SORL1: variants seen among roughly 807,000 people sequenced by gnomAD.
SORL1 encodes sortilin related receptor 1, also known as sortilin-related receptor.
In SORL1, 127 loss-of-function variants were observed where a neutral mutation model predicts 273.7. The observed-to-expected ratio is 0.46, with a 90% CI of 0.40 to 0.54. The LOEUF is 0.54. SORL1 is among the 20% of genes least tolerant of loss of function. The probability of loss-of-function intolerance (pLI) is 0.00; values close to 1 mark genes in which losing one functional copy is unlikely to be tolerated. For synonymous variants in SORL1, 1,031 were observed against 1,067.4 expected (o/e 0.97, Z 0.66); for missense variants, 2,494 against 2,846.1 (o/e 0.88, Z 2.81).
In SORL1 at chr11:121,538,314, C is replaced by T. The variant is rs74893362; in HGVS notation, c.1686-5234C>T. 1.3e-4 allele frequency among the ~76,000 whole-genome samples: 20 copies of T among 152,182 alleles called. No individual in the cohort carries two copies. In the East Asian group the frequency reaches 3.5e-3, roughly 26 times the overall value. On this transcript the variant is annotated intron_variant, in intron 12 of 47. Transcript: ENST00000260197. Reference sequence around the variant, plus strand: ...TTTCCATCAGTCCAGAAAATACTCACGTGCCCCTTTCCAGTCAGTGCTCTC... The same window carrying T: ...TTTCCATCAGTCCAGAAAATACTCATGTGCCCCTTTCCAGTCAGTGCTCTC...
intron 23 of SORL1, among the ~76,000 whole-genome samples, chr11:121,570,679 G>A (rs76882853): frequency 6.6e-6 from 1 of 152,126 alleles, no homozygotes; most frequent in Admixed American, 6.5e-5. Context: ...GATGGGAAAT[G>A]AGTATTTACT....
Position 121,558,490 on chromosome 11 carries a change from C to T in SORL1, c.2664-101C>T, listed in dbSNP as rs570066344. 22 of 1,222,014 alleles carry T rather than the reference C, an allele frequency of 1.8e-5. No homozygotes were observed. The Middle Eastern group carries it at 1.0e-3, about 57-fold the overall frequency. The allele number at this position is 1,222,014 out of a possible 1,614,324, so 75.7% of individuals were successfully genotyped here. ...TTATAATAATGCTGAAATAACCAGC[C>T]GGATCATTCGAAAGGAGTTTCTGAC... On this transcript the variant is annotated intron_variant, in intron 19 of 47. Coordinates refer to ENST00000260197, the MANE Select transcript of SORL1 (RefSeq NM_003105.6).
Position 121,558,812 on chromosome 11 carries a change from A to G in SORL1, c.2885A>G (p.His962Arg). The change falls in exon 20 of 48, where the codon CAC becomes CGC. Residue 962 changes from histidine to arginine, a missense_variant. Physicochemically the swap from His to Arg is conservative, Grantham distance 29 (BLOSUM62 0). Transcript: ENST00000260197. ...QRSVILDNLP[H>R]PYAIAVFKNE... ...TCTGTCATTCTGGACAACCTCCCGC[A>G]CCCCTATGCCATTGCTGTCTTTAAG... The G allele has an allele frequency of 6.2e-7, 1 of 1,613,706 alleles. No individual in the cohort carries two copies. Among genetic ancestry groups the G allele is most frequent in the African/African-American group, 1.3e-5 (1 of 74,856 alleles).
At chr11:121,553,553 G>T (rs1862535312) in intron 16 of SORL1, among the ~76,000 whole-genome samples, 1 of 152,232 alleles carries the variant, frequency 6.6e-6, no homozygotes, top group African/African-American at 2.4e-5. Context: ...TGATGATGCT[G>T]TGGTGATACA....
At chr11:121,481,473 G>A (rs1371409167) in intron 3 of SORL1, among the ~76,000 whole-genome samples, 2 of 104,812 alleles carry the variant, frequency 1.9e-5, no homozygotes, top group African/African-American at 8.7e-5. Flanking sequence ...CTCCTCCCCA[G>A]CTCCTCCCCT....
At chr11:121,615,086 G>A (rs1456019958) in intron 41 of SORL1, 31 bp downstream of exon 41, 3 of 1,549,094 alleles carry the variant, frequency 1.9e-6, no homozygotes, top group Admixed American at 2.0e-5. Flanking sequence ...ATCACAAAGT[G>A]AGTGTGGACT....
intron 31 of SORL1, among the ~76,000 whole-genome samples, chr11:121,592,819 A>C (rs1405302918): frequency 6.6e-6 from 1 of 152,242 alleles, no homozygotes; most frequent in African/African-American, 2.4e-5. Flanking sequence ...TTATTGAATA[A>C]CTTGATTATC....
chr11:121,583,275 AC>A (rs1308302540), intron 25 of SORL1, among the ~76,000 whole-genome samples, 182 bp from the exon 26 acceptor site: 1 of 152,180 alleles, frequency 6.6e-6, no homozygotes, highest in Non-Finnish European at 1.5e-5. Flanking sequence ...GCTCAAGTCC[AC>A]CGAGGGAGCT....
At position 121,496,883 on chromosome 11, in the gene SORL1, A is replaced by T; in HGVS notation, c.773A>T (p.Tyr258Phe). 1.2e-6 allele frequency: 2 copies of T among 1,608,434 alleles called. No homozygotes were observed. Among genetic ancestry groups the T allele is most frequent in the Non-Finnish European group, 1.7e-6 (2 of 1,177,566 alleles). The stretch of plus-strand genomic sequence containing the variant: ...TTTTCTGCCAGGGGAATTGATCCCT[A>T]TGACAAACCAAATACCATCTACATT... ...VKSFSWGIDP[Y>F]DKPNTIYIER... Residue 258 changes from tyrosine to phenylalanine, a missense_variant, in exon 6 of 48, where the codon TAT (tyrosine) becomes TTT (phenylalanine). Physicochemically the swap from Tyr to Phe is conservative, Grantham distance 22. Coordinates refer to ENST00000260197, the MANE Select transcript of SORL1 (RefSeq NM_003105.6).
intron 46 of SORL1, 93 bp downstream of exon 46, chr11:121,625,370 C>A: frequency 9.8e-7 from 1 of 1,023,784 alleles, no homozygotes; most frequent in Non-Finnish European, 1.4e-6. Flanking sequence ...TTCTAAAACA[C>A]ATGGAAGATA....
chr11:121,603,398 AGCAGATT>A (rs1159420688), intron 32 of SORL1, among the ~76,000 whole-genome samples: 3 of 152,366 alleles, frequency 2.0e-5, no homozygotes, highest in African/African-American at 7.2e-5. Context: ...CAGCCTGCAT[AGCAGATT>A]TGCTGTCTAC....
intron 5 of SORL1, among the ~76,000 whole-genome samples, chr11:121,494,614 T>TAAG (rs1166775776): frequency 6.6e-6 from 1 of 152,174 alleles, no homozygotes; most frequent in Non-Finnish European, 1.5e-5. Flanking sequence ...TCAGTGAGCG[T>TAAG]AAGACATTGG....
At position 121,606,889 on chromosome 11, in the gene SORL1, G is replaced by C; in HGVS notation, c.4993G>C (p.Ala1665Pro). The C allele has an allele frequency of 6.2e-7, 1 of 1,614,206 alleles. No individual in the cohort carries two copies. Among genetic ancestry groups the C allele is most frequent in the Non-Finnish European group, 8.5e-7 (1 of 1,180,026 alleles). Residue 1665 changes from alanine to proline, a missense_variant, in exon 36 of 48, where the codon GCA becomes CCA. Physicochemically the swap from Ala to Pro is conservative, Grantham distance 27. Coordinates refer to ENST00000260197, the MANE Select transcript of SORL1 (RefSeq NM_003105.6). ...TCTCCAGCTGTCACTCCCCAGGGAA[G>C]CAGAAGGTGTGATTGTAGGCCACTG... The part of the protein sequence containing the change: ...RNLQLSLPRE[A>P]EGVIVGHWAP...
Position 121,627,490 on chromosome 11 carries a change from A to T in SORL1, c.6365-65A>T, listed in dbSNP as rs767858894. 40 of 1,358,814 alleles carry T rather than the reference A, an allele frequency of 2.9e-5. No individual in the cohort carries two copies. The highest frequency in any genetic ancestry group is 1.6e-4 in the East Asian group (7 of 43,696). 84.2% of individuals were successfully genotyped at this position (1,358,814 alleles called of 1,614,324 possible). A position where few individuals can be genotyped will look rare whatever the true frequency, so the allele number is the denominator to read the frequency against. On this transcript the variant is annotated intron_variant, in intron 46 of 47. Transcript: ENST00000260197. This position sits in a 1 kb window ranked among gnomAD's most constrained non-coding sequence, Gnocchi z 4.9. ...GCTTTTTTTGGTGGGTGGGGCCTTG[A>T]GGAGTCATCTGGTCTGTTCTCCTGC...
intron 3 of SORL1, among the ~76,000 whole-genome samples, chr11:121,484,761 C>T (rs1441116507): frequency 6.6e-6 from 1 of 152,022 alleles, no homozygotes; most frequent in Non-Finnish European, 1.5e-5. Flanking sequence ...CATGCTTCTT[C>T]TTTTGTTTTT....
intron 32 of SORL1, among the ~76,000 whole-genome samples, chr11:121,599,461 T>C (rs920082081): frequency 2.6e-5 from 4 of 152,182 alleles, no homozygotes; most frequent in African/African-American, 2.4e-5. Context: ...GGAGAATTGC[T>C]TGAACCCGGG....
chr11:121,624,109 C>G (rs1160004065), intron 45 of SORL1, among the ~76,000 whole-genome samples: 1 of 152,180 alleles, frequency 6.6e-6, no homozygotes, highest in Non-Finnish European at 1.5e-5. Context: ...GGAAGCCGCA[C>G]CCATGATCCA....
intron 6 of SORL1, among the ~76,000 whole-genome samples, chr11:121,512,206 T>C (rs1861890816): frequency 6.6e-6 from 1 of 152,260 alleles, no homozygotes; most frequent in Non-Finnish European, 1.5e-5. Flanking sequence ...ACAGGGTTGC[T>C]GGACCATTTA....
rs554440536 is a variant in SORL1, at chr11:121,630,867, T to C, written c.*1304T>C. The C allele has an allele frequency of 6.6e-6, 1 of 152,258 alleles. No homozygotes were observed. The highest frequency in any genetic ancestry group is 1.5e-5 in the Non-Finnish European group (1 of 68,044). The allele number at this position is 152,258 out of a possible 1,614,324, so 9.4% of individuals were successfully genotyped here. A position where few individuals can be genotyped will look rare whatever the true frequency, so the allele number is the denominator to read the frequency against. ...TCAAACCATGGCCACTTGATACTTATGTAGAATCCATCGTGGGCTGATGCA... is the reference window on the plus strand; with the variant it reads ...TCAAACCATGGCCACTTGATACTTACGTAGAATCCATCGTGGGCTGATGCA... On this transcript the variant is annotated 3_prime_UTR_variant, in exon 48 of 48. Coordinates refer to ENST00000260197, the MANE Select transcript of SORL1 (RefSeq NM_003105.6).
Sources: allele counts gnomAD v4.1 joint callset (sites outside exome capture counted in the v4.1 genomes callset), GRCh38; gene constraint gnomAD v4.1.1; non-coding constraint Gnocchi (gnomAD v3.1); transcripts MANE v1.5; gene names NCBI Gene and HGNC (gene_info 2026-07-23, HGNC 2026-07-21).